Variants in CACNA1E observed in about 807,000 individuals in gnomAD.
CACNA1E encodes voltage-dependent R-type calcium channel subunit alpha-1E.
CACNA1E carries 40 observed loss-of-function variants against 259.2 expected under a neutral mutation model. The ratio of observed to expected loss-of-function variants is 0.15; its 90% CI spans 0.12 to 0.20. The LOEUF (loss-of-function observed/expected upper bound fraction) is 0.20. Ranked by LOEUF, CACNA1E falls within the 10% of genes least tolerant of loss-of-function variation. The pLI, the probability that CACNA1E is intolerant of heterozygous loss-of-function variation, is 1.00. For missense variants in CACNA1E, 1,874 were observed against 3,040.1 expected (o/e 0.62, Z 9.02); for synonymous variants, 1,104 against 1,138.5 (o/e 0.97, Z 0.61).
intron 6 of CACNA1E, 92 bp from the exon 7 acceptor site, chr1:181,651,246 T>G (rs1197962243): frequency 1.8e-5 from 15 of 845,238 alleles, no homozygotes; most frequent in Non-Finnish European, 2.5e-5. Context: ...GCATTGTGGT[T>G]TTTACATCAC....
At chr1:181,795,767 A>ATATATATATATATATATATAT (rs1661742288) in intron 46 of CACNA1E, among the ~76,000 whole-genome samples, 1 of 113,276 alleles carries the variant, frequency 8.8e-6, no homozygotes, top group African/African-American at 3.0e-5. Context: ...TTTTGCTTTA[A>ATATATATATATATATATATAT]ATATATATAT....
At chr1:181,478,936 C>T (rs1373513043), upstream of CACNA1E, among the ~76,000 whole-genome samples, 1 of 152,176 alleles carries the variant, frequency 6.6e-6, no homozygotes. Context: ...CCTACCAGTC[C>T]CCTTCACACC....
chr1:181,337,437 A>C (rs1651800638), intron 1 of CACNA1E, among the ~76,000 whole-genome samples: 1 of 152,162 alleles, frequency 6.6e-6, no homozygotes, highest in Non-Finnish European at 1.5e-5. Context: ...CTATAGCGCT[A>C]ACCCTGTACA....
intron 3 of CACNA1E, among the ~76,000 whole-genome samples, chr1:181,572,563 A>G (rs984803679): frequency 1.3e-5 from 2 of 151,862 alleles, no homozygotes; most frequent in Non-Finnish European, 2.9e-5. Context: ...GGCATTAAGC[A>G]CCCCCCTGTA....
At chr1:181,533,282 T>C (rs944476777) in intron 3 of CACNA1E, among the ~76,000 whole-genome samples, 2 of 149,330 alleles carry the variant, frequency 1.3e-5, no homozygotes, top group Non-Finnish European at 3.0e-5. Context: ...GATTATCATG[T>C]TTAGGTCCCT....
intron 7 of CACNA1E, among the ~76,000 whole-genome samples, chr1:181,707,419 C>T (rs1024013933): frequency 1.3e-5 from 2 of 151,990 alleles, no homozygotes; most frequent in African/African-American, 4.8e-5. Flanking sequence ...GGGAACCCAG[C>T]GAGTGAGACC....
At chr1:181,714,125 C>G (rs866335392) in intron 8 of CACNA1E, among the ~76,000 whole-genome samples, 2 of 152,172 alleles carry the variant, frequency 1.3e-5, no homozygotes, top group African/African-American at 4.8e-5. Flanking sequence ...ACTGCCCCCA[C>G]TTTAGATGGC....
intron 7 of CACNA1E, among the ~76,000 whole-genome samples, chr1:181,687,653 C>T (rs545188370): frequency 1.1e-4 from 17 of 152,228 alleles, no homozygotes; most frequent in African/African-American, 4.1e-4. Flanking sequence ...AATGGACACG[C>T]AGTTCTTTGG....
chr1:181,516,565 C>A (rs755137331), intron 3 of CACNA1E, among the ~76,000 whole-genome samples: 1 of 152,184 alleles, frequency 6.6e-6, no homozygotes, highest in African/African-American at 2.4e-5. Context: ...CACCTGGGCA[C>A]CTTCCCTAGG....
At chr1:181,501,591 CA>C (rs1178866105) in intron 1 of CACNA1E, among the ~76,000 whole-genome samples, 1 of 152,214 alleles carries the variant, frequency 6.6e-6, no homozygotes, top group African/African-American at 2.4e-5. Context: ...TATTGGCAAA[CA>C]AAAGGCCTTT....
chr1:181,382,522 G>A (rs1277824519), intron 1 of CACNA1E, among the ~76,000 whole-genome samples: 6 of 152,080 alleles, frequency 3.9e-5, no homozygotes, highest in Non-Finnish European at 7.4e-5. Flanking sequence ...ATTTAAGGTA[G>A]GAAGAGCAGG....
At chr1:181,749,602 A>G (rs1657408224) in intron 25 of CACNA1E, among the ~76,000 whole-genome samples, 2 of 152,240 alleles carry the variant, frequency 1.3e-5, no homozygotes, top group Admixed American at 6.5e-5. Context: ...AGTGATTCCT[A>G]TGTGCTAAAG....
intron 1 of CACNA1E, among the ~76,000 whole-genome samples, chr1:181,351,214 G>A (rs1012110916): frequency 2.6e-5 from 4 of 152,180 alleles, no homozygotes; most frequent in East Asian, 1.9e-4. Context: ...CTCCTGAGCC[G>A]TGGGGGGATC....
rs141160587 is a variant in CACNA1E, at chr1:181,539,054, C to A, written c.512+27544C>A. Reference sequence around the variant, plus strand: ...TACTTGTGGTTCCTTGAATTGTGTGCTATTTCATGCCTCCTTCCTTTTGAA... The same window carrying A: ...TACTTGTGGTTCCTTGAATTGTGTGATATTTCATGCCTCCTTCCTTTTGAA... On this transcript the variant is annotated intron_variant, in intron 3 of 47. Transcript: ENST00000367573. Among the ~76,000 whole-genome samples the A allele has an allele frequency of 7.9e-5, 12 of 152,300 alleles. No individual in the cohort carries two copies. The East Asian group carries it at 2.3e-3, about 29-fold the overall frequency.
intron 3 of CACNA1E, among the ~76,000 whole-genome samples, chr1:181,573,861 G>C (rs781746883): frequency 3.3e-5 from 5 of 152,220 alleles, no homozygotes; most frequent in Non-Finnish European, 7.3e-5. Flanking sequence ...CAAAAGCAAA[G>C]ATGTGGAATC....
intron 1 of CACNA1E, among the ~76,000 whole-genome samples, chr1:181,380,940 G>A (rs1011808759): frequency 1.3e-5 from 2 of 152,210 alleles, no homozygotes; most frequent in Non-Finnish European, 2.9e-5. Context: ...GGCCAAGGCG[G>A]GTGGATCACG....
intron 32 of CACNA1E, 66 bp from the exon 33 acceptor site, chr1:181,762,508 G>T (rs1658669489): frequency 2.2e-6 from 2 of 906,738 alleles, no homozygotes; most frequent in African/African-American, 1.7e-5. Flanking sequence ...TATAATGAAA[G>T]ATGTCTTTTC....
chr1:181,771,860 G>A (rs951253142), intron 36 of CACNA1E, among the ~76,000 whole-genome samples: 3 of 152,240 alleles, frequency 2.0e-5, no homozygotes, highest in East Asian at 1.9e-4. Context: ...AGATGGAGAC[G>A]CAGTGGATGG....
intron 1 of CACNA1E, among the ~76,000 whole-genome samples, chr1:181,380,955 C>T (rs967501975): frequency 6.6e-6 from 1 of 152,136 alleles, no homozygotes; most frequent in Non-Finnish European, 1.5e-5. Flanking sequence ...ATCACGAGGT[C>T]GGGAGTTTGA....
Sources: gnomAD v4.1 joint callset for allele counts (sites outside exome capture counted in the v4.1 genomes callset) on GRCh38, gnomAD v4.1.1 for gene constraint, MANE v1.5 for transcripts, NCBI Gene and HGNC (gene_info 2026-07-23, HGNC 2026-07-21) for gene names.